SYNJ2: variants seen among roughly 807,000 people sequenced by gnomAD.
The protein encoded by SYNJ2 is polyphosphatidylinositol phosphatase SYNJ2.
In SYNJ2, 116 loss-of-function variants were observed where a neutral mutation model predicts 141.3. That is an observed-to-expected ratio of 0.82 (90% CI 0.71 to 0.96). The LOEUF is 0.96. Ranked by LOEUF, SYNJ2 falls within the 40% of genes least tolerant of loss-of-function variation. The probability of loss-of-function intolerance (pLI) is 0.00; values close to 1 mark genes in which losing one functional copy is unlikely to be tolerated. For synonymous variants in SYNJ2, 745 were observed against 777.7 expected (o/e 0.96, Z 0.70); for missense variants, 1,873 against 1,934.8 (o/e 0.97, Z 0.60).
rs147450342 is a variant in SYNJ2 at position 158,048,674 on chromosome 6, T to A, written c.795+5275T>A. ...GGTGACTCCAGCATGCAGAAAAGTA[T>A]GGGAACCACTCGGTGCTGTGCTGGC... On this transcript the variant is annotated intron_variant, in intron 5 of 26. Coordinates refer to ENST00000355585, the MANE Select transcript of SYNJ2 (RefSeq NM_003898.4). Among the ~76,000 whole-genome samples, 329 of 152,286 alleles carry A rather than the reference T, an allele frequency of 2.2e-3. 1 individual carries two copies. The highest frequency in any genetic ancestry group is 7.4e-3 in the African/African-American group (306 of 41,574).
chr6:158,019,930 TC>T (rs1778668849), intron 2 of SYNJ2, among the ~76,000 whole-genome samples: 1 of 152,238 alleles, frequency 6.6e-6, no homozygotes, highest in Admixed American at 6.5e-5. Flanking sequence ...ATTTTCTTTT[TC>T]CCCTGTAAGT....
Position 158,043,736 on chromosome 6 carries a change from T to C in SYNJ2, c.795+337T>C, listed in dbSNP as rs1780082008. ...GCACTGCCTGAGGTTAGACCCTGAG[T>C]TCGGTGTACTGAGGACGTTTCTGAG... On this transcript the variant is annotated intron_variant, in intron 5 of 26. Transcript: ENST00000355585. The surrounding 1 kb of genome is among the most constrained non-coding windows in gnomAD (Gnocchi z 4.0). Among the ~76,000 whole-genome samples the C allele has an allele frequency of 6.6e-6, 1 of 152,064 alleles. No homozygotes were observed. Among genetic ancestry groups the C allele is most frequent in the South Asian group, 2.1e-4 (1 of 4,820 alleles).
In SYNJ2 at chr6:157,996,035, G is replaced by A. The variant is rs1210963324; in HGVS notation, c.127+13947G>A. 2.0e-5 allele frequency among the ~76,000 whole-genome samples: 3 copies of A among 152,222 alleles called. No homozygotes were observed. The East Asian group carries it at 5.8e-4, about 29-fold the overall frequency. ...GTTCCTCTCCAGTTAATCTGGAAGT[G>A]CAAGTATCGATGAGTAAATCCAATT... On this transcript the variant is annotated intron_variant, in intron 1 of 26. Transcript: ENST00000355585.
At chr6:158,002,269 C>T (rs1346750391) in intron 1 of SYNJ2, 2 of 152,438 alleles carry the variant, frequency 1.3e-5, no homozygotes, top group African/African-American at 4.8e-5. Flanking sequence ...CCTGCTCAGG[C>T]TCCCTCAGTT....
intron 5 of SYNJ2, among the ~76,000 whole-genome samples, chr6:158,051,585 C>T (rs1780568653): frequency 1.3e-5 from 2 of 152,020 alleles, no homozygotes; most frequent in Admixed American, 1.3e-4. Context: ...TCATTTTGCA[C>T]TCACTTCACT....
intron 5 of SYNJ2, among the ~76,000 whole-genome samples, chr6:158,044,252 G>C (rs1448004812): frequency 3.3e-5 from 5 of 152,206 alleles, no homozygotes; most frequent in Non-Finnish European, 7.3e-5. Flanking sequence ...GGGGGTGTTT[G>C]ACAACGCTGG....
chr6:158,081,207 A>G lies in SYNJ2; in HGVS notation c.2666A>G (p.Asp889Gly). 1 of 1,614,148 alleles carries G rather than the reference A, an allele frequency of 6.2e-7. No individual in the cohort carries two copies. The highest frequency in any genetic ancestry group is 1.1e-5 in the South Asian group (1 of 91,080). ...GTGTCCTCCTTCCAGGGCCCCCTGG[A>G]TGCCACTGTTGTAGTAAACCTTCAA... ...QEVSSFQGPL[D>G]ATVVVNLQSP... Residue 889 changes from aspartate to glycine, a missense_variant, in exon 19 of 27, where the codon GAT becomes GGT. Physicochemically the swap from Asp to Gly is moderately conservative, Grantham distance 94 (BLOSUM62 -1). Transcript: ENST00000355585.
upstream of SYNJ2, among the ~76,000 whole-genome samples, chr6:157,981,557 TA>T (rs1185949515): frequency 6.6e-6 from 1 of 151,660 alleles, no homozygotes; most frequent in East Asian, 2.0e-4. The surrounding 1 kb of genome is among the most constrained non-coding windows in gnomAD (Gnocchi z 6.4). Flanking sequence ...GGGCTGCCCA[TA>T]TAAGGCTGCG....
chr6:158,081,507 G>A lies in SYNJ2; in HGVS notation c.2862G>A (p.Met954Ile). The stretch of plus-strand genomic sequence containing the variant: ...TCAGTGTCCTGGACGTGGACGGTAT[G>A]AAGGTACGCTGTACTTGGCCACACT... ...SALSVLDVDGMKVKGRAVKIR... is the reference protein window; with the variant it reads ...SALSVLDVDGIKVKGRAVKIR... Residue 954 changes from methionine (M) to isoleucine (I), a missense_variant, in exon 20 of 27, where the codon ATG becomes ATA. By Grantham distance (10) the Met-to-Ile change is conservative (BLOSUM62 1). Coordinates refer to ENST00000355585, the MANE Select transcript of SYNJ2 (RefSeq NM_003898.4). The A allele has an allele frequency of 6.3e-7, 1 of 1,585,284 alleles. No homozygotes were observed. The highest frequency in any genetic ancestry group is 8.6e-7 in the Non-Finnish European group (1 of 1,162,750).
chr6:158,076,768 C>T lies in SYNJ2; in HGVS notation c.2435C>T (p.Pro812Leu), dbSNP rs1337058589. ...DRVLWWRKKH[P>L]FDKTAGELNL... ...GTGCTGTGGTGGAGGAAGAAACATC[C>T]CTTTGATAAAACAGGTGAGGGGGCC... The change falls in exon 17 of 27, where the codon CCC becomes CTC. Residue 812 changes from proline (P) to leucine (L), a missense_variant. By Grantham distance (98) the Pro-to-Leu change is moderately conservative. Coordinates refer to ENST00000355585, the MANE Select transcript of SYNJ2 (RefSeq NM_003898.4). 3.7e-6 allele frequency: 6 copies of T among 1,611,906 alleles called. No homozygotes were observed. The highest frequency in any genetic ancestry group is 1.3e-5 in the African/African-American group (1 of 74,738).
intron 1 of SYNJ2, among the ~76,000 whole-genome samples, chr6:158,015,912 T>G (rs924670337): frequency 6.6e-6 from 1 of 152,244 alleles, no homozygotes; most frequent in African/African-American, 2.4e-5. Flanking sequence ...ACTCCATGTT[T>G]CTAAAATATA....
At chr6:157,999,933 T>C (rs963952525) in intron 1 of SYNJ2, among the ~76,000 whole-genome samples, 1 of 151,880 alleles carries the variant, frequency 6.6e-6, no homozygotes, top group Non-Finnish European at 1.5e-5. Flanking sequence ...TTTTCACACA[T>C]GTTTGACCTT....
chr6:158,056,213 T>C (rs1780860316), intron 6 of SYNJ2, among the ~76,000 whole-genome samples: 1 of 152,204 alleles, frequency 6.6e-6, no homozygotes, highest in Admixed American at 6.5e-5. Flanking sequence ...ATACATCTAG[T>C]TGAAGCACAT....
chr6:158,057,324 T>C (rs1216214385), intron 6 of SYNJ2, among the ~76,000 whole-genome samples: 1 of 151,750 alleles, frequency 6.6e-6, no homozygotes, highest in East Asian at 1.9e-4. Flanking sequence ...ACACCCTGGG[T>C]GCCAGCGCTC....
intron 3 of SYNJ2, among the ~76,000 whole-genome samples, chr6:158,031,450 G>A (rs1195902615): frequency 6.6e-6 from 1 of 152,242 alleles, no homozygotes; most frequent in Non-Finnish European, 1.5e-5. Flanking sequence ...GTCCCTTTCT[G>A]AAGGGAGAGG....
At chr6:158,082,086 C>G (rs185010507) in intron 20 of SYNJ2, among the ~76,000 whole-genome samples, 3 of 152,300 alleles carry the variant, frequency 2.0e-5, no homozygotes, top group African/African-American at 7.2e-5. Flanking sequence ...GTGGCTTATG[C>G]TTGTAATCCC....
intron 1 of SYNJ2, among the ~76,000 whole-genome samples, chr6:158,015,026 G>A (rs1231564697): frequency 1.3e-5 from 2 of 152,224 alleles, no homozygotes; most frequent in African/African-American, 2.4e-5. Context: ...ATGGCATGGT[G>A]GATCTTTTGA....
At chr6:158,062,246 T>C in intron 8 of SYNJ2, 82 bp downstream of exon 8, 1 of 1,557,060 alleles carries the variant, frequency 6.4e-7, no homozygotes, top group Non-Finnish European at 8.7e-7. Flanking sequence ...GTGCTGTGCC[T>C]TCTGCTGGGT....
At chr6:158,041,783 A>G (rs1164127010) in intron 4 of SYNJ2, among the ~76,000 whole-genome samples, 1 of 152,196 alleles carries the variant, frequency 6.6e-6, no homozygotes, top group East Asian at 1.9e-4. Flanking sequence ...ATCATAGCTC[A>G]CTGCAGCCTC....
Sources: allele counts gnomAD v4.1 joint callset (sites outside exome capture counted in the v4.1 genomes callset), GRCh38; gene constraint gnomAD v4.1.1; non-coding constraint Gnocchi (gnomAD v3.1); transcripts MANE v1.5; gene names NCBI Gene and HGNC (gene_info 2026-07-23, HGNC 2026-07-21).